The following VWC2L variants were observed in gnomAD, a reference collection of about 807,000 sequenced individuals.
VWC2L encodes von Willebrand factor C domain-containing protein 2-like.
A neutral mutation model predicts 21.6 loss-of-function variants in VWC2L; 10 were observed. That is an observed-to-expected ratio of 0.46 (90% CI 0.29 to 0.78). The LOEUF (loss-of-function observed/expected upper bound fraction) is 0.78. VWC2L is among the 30% of genes least tolerant of loss of function. The probability of loss-of-function intolerance (pLI) is 0.10; values close to 1 mark genes in which losing one functional copy is unlikely to be tolerated. For synonymous variants in VWC2L, 96 were observed against 94.3 expected (o/e 1.02, Z -0.10); for missense variants, 209 against 277.1 (o/e 0.75, Z 1.74).
At chr2:214,480,351 G>A (rs1368296863) in intron 3 of VWC2L, among the ~76,000 whole-genome samples, 1 of 152,182 alleles carries the variant, frequency 6.6e-6, no homozygotes, top group East Asian at 1.9e-4. Context: ...TAAAAGCAAA[G>A]ATGATTAAGT....
intron 3 of VWC2L, among the ~76,000 whole-genome samples, chr2:214,475,167 A>G (rs1453196278): frequency 6.6e-6 from 1 of 152,188 alleles, no homozygotes; most frequent in Non-Finnish European, 1.5e-5. Context: ...CCTCAACGGG[A>G]CATTAAAAAG....
chr2:214,567,190 G>T (rs1403378000), intron 3 of VWC2L, among the ~76,000 whole-genome samples: 1 of 152,152 alleles, frequency 6.6e-6, no homozygotes, highest in Non-Finnish European at 1.5e-5. Flanking sequence ...GCAATATGAA[G>T]TTGTTTCCAA....
chr2:214,480,864 C>CAAAAAAAA (rs59720596), intron 3 of VWC2L, among the ~76,000 whole-genome samples: 21 of 71,734 alleles, frequency 2.9e-4, no homozygotes, highest in African/African-American at 7.1e-4. Context: ...TATGCCAAGC[C>CAAAAAAAA]AAAAAAAAAA....
chr2:214,463,281 G>GT (rs534989687), intron 3 of VWC2L, among the ~76,000 whole-genome samples: 1 of 152,034 alleles, frequency 6.6e-6, no homozygotes, highest in Admixed American at 6.6e-5. Context: ...GTACTTTGAA[G>GT]TTTTTTTATG....
chr2:214,534,846 A>G (rs543598157), intron 3 of VWC2L, among the ~76,000 whole-genome samples: 1 of 152,224 alleles, frequency 6.6e-6, no homozygotes, highest in South Asian at 2.1e-4. Context: ...GTCAGATGCA[A>G]ATGTTTCCCT....
intron 3 of VWC2L, among the ~76,000 whole-genome samples, chr2:214,555,904 T>G (rs1689865446): frequency 6.6e-6 from 1 of 152,168 alleles, no homozygotes; most frequent in Non-Finnish European, 1.5e-5. Context: ...GAAATAAATG[T>G]TGTTGTCTAA....
intron 3 of VWC2L, among the ~76,000 whole-genome samples, chr2:214,566,171 T>G (rs1007772968): frequency 8.5e-5 from 13 of 152,188 alleles, no homozygotes; most frequent in African/African-American, 3.1e-4. Flanking sequence ...ACTAAGCAGA[T>G]TAAATGTTTT....
chr2:214,567,090 T>C (rs538019725), intron 3 of VWC2L, among the ~76,000 whole-genome samples: 11 of 152,296 alleles, frequency 7.2e-5, no homozygotes, highest in Admixed American at 7.2e-4. Context: ...AGAAAGATCA[T>C]TTACAGCCAA....
intron 3 of VWC2L, among the ~76,000 whole-genome samples, chr2:214,569,117 T>G (rs191558494): frequency 2.6e-5 from 4 of 152,312 alleles, no homozygotes; most frequent in African/African-American, 9.6e-5. Context: ...ATACTTCCAA[T>G]GCCTCAAAGC....
chr2:214,572,612 T>C (rs886195335), intron 3 of VWC2L, among the ~76,000 whole-genome samples: 11 of 152,202 alleles, frequency 7.2e-5, no homozygotes, highest in Non-Finnish European at 1.3e-4. Context: ...CAAATCAAAT[T>C]TGCATTTACT....
At position 214,421,885 on chromosome 2, in the gene VWC2L, C is replaced by CTTTTTTTTTTT. The variant is rs761759449; in HGVS notation, c.390+7316_390+7326dup. 2.0e-3 allele frequency among the ~76,000 whole-genome samples: 153 copies of CTTTTTTTTTTT among 76,164 alleles called. 7 individuals are homozygous for CTTTTTTTTTTT. The highest frequency in any genetic ancestry group is 2.9e-3 in the African/African-American group (46 of 15,716). 50.0% of individuals were successfully genotyped at this position (76,164 alleles called of 152,430 possible). On this transcript the variant is annotated intron_variant, in intron 2 of 3. Transcript: ENST00000312504. ...CATAATTTTTTTCTATTTCCTACAT[C>CTTTTTTTTTTT]TTTTTTTTTTTTTTTTTTTTTTTTG...
Position 214,507,968 on chromosome 2 carries a change from G to A in VWC2L, c.521-67704G>A, listed in dbSNP as rs547959176. 1.8e-4 allele frequency among the ~76,000 whole-genome samples: 27 copies of A among 152,134 alleles called. No homozygotes were observed. In the South Asian group the frequency reaches 3.3e-3, roughly 19 times the overall value. ...GGGCTTAAGTTATCCTTTCTTTTGT[G>A]CACTTATATTTATTTATTTATTTAT... On this transcript the variant is annotated intron_variant, in intron 3 of 3. Transcript: ENST00000312504.
intron 3 of VWC2L, chr2:214,510,164 G>T (rs994727179): frequency 1.3e-5 from 2 of 152,070 alleles, no homozygotes; most frequent in African/African-American, 2.4e-5. Flanking sequence ...AAAGCCAGTT[G>T]ATACTCATTC....
At chr2:214,463,962 T>C (rs978185818) in intron 3 of VWC2L, among the ~76,000 whole-genome samples, 45 of 152,260 alleles carry the variant, frequency 3.0e-4, no homozygotes, top group African/African-American at 1.1e-3. Context: ...AATATGTCAG[T>C]TGAATTTTTC....
intron 3 of VWC2L, among the ~76,000 whole-genome samples, chr2:214,545,323 T>C (rs935026910): frequency 1.3e-5 from 2 of 152,198 alleles, no homozygotes; most frequent in Non-Finnish European, 2.9e-5. Context: ...CATCTTTAAG[T>C]ACTCTTTGCC....
At chr2:214,466,890 T>A (rs1372585687) in intron 3 of VWC2L, among the ~76,000 whole-genome samples, 1 of 152,246 alleles carries the variant, frequency 6.6e-6, no homozygotes, top group Non-Finnish European at 1.5e-5. Context: ...CTAGATCTTT[T>A]TTATTGATTG....
rs2126202966 is a variant in VWC2L, at chr2:214,495,615, C to G, written c.520+58857C>G. Among the ~76,000 whole-genome samples the G allele has an allele frequency of 2.0e-5, 3 of 152,248 alleles. No individual in the cohort carries two copies. The South Asian group carries it at 6.2e-4, about 32-fold the overall frequency. On this transcript the variant is annotated intron_variant, in intron 3 of 3. Coordinates refer to ENST00000312504, the MANE Select transcript of VWC2L (RefSeq NM_001080500.4). ...TAGTCTATTCCTGCTTCAGGTTCCT[C>G]ATCTGTAAATGAGAACCAGTATATT...
chr2:214,512,444 A>G (rs1415102139), intron 3 of VWC2L, among the ~76,000 whole-genome samples: 1 of 152,136 alleles, frequency 6.6e-6, no homozygotes, highest in African/African-American at 2.4e-5. Context: ...AGCAAAAATA[A>G]TTAATAGATA....
chr2:214,495,288 C>T (rs1688796512), intron 3 of VWC2L, among the ~76,000 whole-genome samples: 1 of 152,194 alleles, frequency 6.6e-6, no homozygotes, highest in Non-Finnish European at 1.5e-5. Flanking sequence ...TTATCATCTA[C>T]CATTTTTTGT....
Sources: allele counts gnomAD v4.1 joint callset (sites outside exome capture counted in the v4.1 genomes callset), GRCh38; gene constraint gnomAD v4.1.1; transcripts MANE v1.5; gene names NCBI Gene and HGNC (gene_info 2026-07-23, HGNC 2026-07-21).